The following MCPH1 variants were observed in gnomAD, a reference collection of about 807,000 sequenced individuals.
MCPH1 encodes the protein microcephalin 1.
MCPH1 carries 104 observed loss-of-function variants against 84.5 expected under a neutral mutation model. The observed-to-expected ratio is 1.23, with a 90% CI of 1.05 to 1.45. The LOEUF (loss-of-function observed/expected upper bound fraction) is 1.45. Ranked by LOEUF, MCPH1 falls within the 40% of genes most tolerant of loss-of-function variation. The probability of loss-of-function intolerance (pLI) is 0.00; values close to 1 mark genes in which losing one functional copy is unlikely to be tolerated. For synonymous variants in MCPH1, 514 were observed against 366.8 expected (o/e 1.40, Z -4.58); for missense variants, 1,498 against 1,005.7 (o/e 1.49, Z -6.62).
At position 6,431,571 on chromosome 8, in the gene MCPH1, C is replaced by G. The variant is rs778408522; in HGVS notation, c.306C>G (p.Ser102Arg). Residue 102 changes from serine (S) to arginine (R), a missense_variant, in exon 4 of 14, where the codon AGC becomes AGG. Ser to Arg is a moderately radical substitution (Grantham distance 110, BLOSUM62 -1). Transcript: ENST00000344683. ...PAANMNEHLS[S>R]LIKKKRKCMQ... ...CTAATATGAATGAACACTTATCAAG[C>G]CTAATTAAAAAAAAAGTAAGTACAT... 2.7e-5 allele frequency: 44 copies of G among 1,607,458 alleles called. No individual in the cohort carries two copies. In the South Asian group the frequency reaches 4.9e-4, roughly 18 times the overall value.
intron 12 of MCPH1, among the ~76,000 whole-genome samples, chr8:6,590,401 C>G (rs1032431197): frequency 2.0e-5 from 3 of 147,948 alleles, no homozygotes; most frequent in African/African-American, 7.5e-5. Flanking sequence ...CCATTGTAAC[C>G]AAAAACTACA....
intron 12 of MCPH1, among the ~76,000 whole-genome samples, chr8:6,611,286 A>C (rs984204211): frequency 1.4e-4 from 21 of 152,212 alleles, no homozygotes; most frequent in African/African-American, 5.1e-4. Context: ...TGAAGGACTC[A>C]GCCCCGCAAG....
chr8:6,540,595 G>A (rs1821361261), intron 12 of MCPH1, among the ~76,000 whole-genome samples: 1 of 152,160 alleles, frequency 6.6e-6, no homozygotes, highest in Non-Finnish European at 1.5e-5. Flanking sequence ...ACGTTGTCAG[G>A]CCACGTCTGC....
intron 13 of MCPH1, chr8:6,624,926 T>C: frequency 1.1e-6 from 1 of 893,000 alleles, no homozygotes; most frequent in Non-Finnish European, 1.3e-6. Flanking sequence ...CAGGCTGGAG[T>C]GTGCAGTGAT....
Position 6,637,520 on chromosome 8 carries a change from C to A in MCPH1, c.2453-5474C>A, listed in dbSNP as rs886728286. Among the ~76,000 whole-genome samples the A allele has an allele frequency of 3.3e-5, 5 of 152,156 alleles. 1 individual carries two copies. The highest frequency in any genetic ancestry group is 1.2e-4 in the African/African-American group (5 of 41,438). ...AGCTGGAGAAGCAGGCAGCTTCAGA[C>A]AGGACCATTCCAGACCACTGACACC... On this transcript the variant is annotated intron_variant, in intron 13 of 13. Transcript: ENST00000344683.
intron 12 of MCPH1, among the ~76,000 whole-genome samples, chr8:6,506,960 C>G (rs778914216): frequency 6.6e-6 from 1 of 151,530 alleles, no homozygotes; most frequent in Non-Finnish European, 1.5e-5. Context: ...TGTACTGGTG[C>G]GATCTCGGCT....
rs1385961680 is a variant in MCPH1 at position 6,444,847 on chromosome 8, G to A, written c.1125G>A (p.Arg375=). Residue 375 remains arginine, a synonymous_variant, in exon 8 of 14, where the codon AGG becomes AGA. Coordinates refer to ENST00000344683, the MANE Select transcript of MCPH1 (RefSeq NM_024596.5). The part of the protein sequence containing the change: ...SPPKEKCKRK[R]STRRSIMPRL... ...CGAAGGAAAAATGCAAGAGAAAGAG[G>A]AGCACCAGGAGATCTATCATGCCGA... 1.9e-6 allele frequency: 3 copies of A among 1,614,076 alleles called. No individual in the cohort carries two copies. The highest frequency in any genetic ancestry group is 1.7e-5 in the Admixed American group (1 of 60,014).
At chr8:6,640,327 A>G (rs1339993626) in intron 13 of MCPH1, among the ~76,000 whole-genome samples, 1 of 152,184 alleles carries the variant, frequency 6.6e-6, no homozygotes, top group Non-Finnish European at 1.5e-5. Context: ...AACGGTACAT[A>G]AAGTCCTATT....
In MCPH1 at chr8:6,598,775, C is replaced by T. The variant is rs533750975; in HGVS notation, c.2215-22679C>T. On this transcript the variant is annotated intron_variant, in intron 12 of 13. Transcript: ENST00000344683. ...GGTGGGACTAAGAAGAGCCCCCTGC[C>T]ACCCGAAAGGCGCCCTAACACTTCA... is the stretch of plus-strand genomic sequence containing the variant. Among the ~76,000 whole-genome samples, 8 of 152,342 alleles carry T rather than the reference C, an allele frequency of 5.3e-5. No individual in the cohort carries two copies. The South Asian group carries it at 1.0e-3, about 20-fold the overall frequency.
chr8:6,571,948 A>G (rs1826692822), intron 12 of MCPH1, among the ~76,000 whole-genome samples: 1 of 152,200 alleles, frequency 6.6e-6, no homozygotes. Context: ...TGATGGTTCA[A>G]GTCTTTCCTA....
chr8:6,630,780 CT>C (rs1797100099), intron 13 of MCPH1, among the ~76,000 whole-genome samples: 1 of 106,208 alleles, frequency 9.4e-6, no homozygotes, highest in Non-Finnish European at 1.8e-5. Context: ...AAACTCTGTC[CT>C]AAAAAAAAAA....
intron 3 of MCPH1, 37 bp from the exon 4 acceptor site, chr8:6,431,462 C>T: frequency 6.7e-7 from 1 of 1,493,142 alleles, no homozygotes; most frequent in Non-Finnish European, 9.3e-7. Context: ...ATAATAGAAG[C>T]AAATACTCAT....
chr8:6,494,167 G>C (rs898179795), intron 11 of MCPH1: 4 of 152,068 alleles, frequency 2.6e-5, no homozygotes, highest in African/African-American at 9.7e-5. Flanking sequence ...TCAAACTCCT[G>C]ACCTCAAGTG....
At chr8:6,558,470 C>A (rs548840978) in intron 12 of MCPH1, among the ~76,000 whole-genome samples, 2 of 152,118 alleles carry the variant, frequency 1.3e-5, no homozygotes, top group Non-Finnish European at 2.9e-5. Context: ...AAAATAAGCA[C>A]CCCAGACCAT....
At position 6,644,880 on chromosome 8, in the gene MCPH1, C is replaced by G. The variant is rs916644719; in HGVS notation, c.*1831C>G. 1 of 152,172 alleles carries G rather than the reference C, an allele frequency of 6.6e-6. No individual in the cohort carries two copies. The highest frequency in any genetic ancestry group is 1.5e-5 in the Non-Finnish European group (1 of 68,040). 9.4% of individuals were successfully genotyped at this position (152,172 alleles called of 1,614,324 possible). A position where few individuals can be genotyped will look rare whatever the true frequency, so the allele number is the denominator to read the frequency against. On this transcript the variant is annotated 3_prime_UTR_variant, in exon 14 of 14. Transcript: ENST00000344683. Reference sequence around the variant, plus strand: ...GGAATTGGCATTCTATAGAAAACCACAGAAACTGGAAATAATGAAGGGTTG... The same window carrying G: ...GGAATTGGCATTCTATAGAAAACCAGAGAAACTGGAAATAATGAAGGGTTG...
At chr8:6,421,687 G>A (rs1178713145) in intron 3 of MCPH1, among the ~76,000 whole-genome samples, 1 of 152,192 alleles carries the variant, frequency 6.6e-6, no homozygotes, top group Non-Finnish European at 1.5e-5. Context: ...TACTACAGCT[G>A]TAGATTTGGA....
intron 9 of MCPH1, among the ~76,000 whole-genome samples, chr8:6,468,537 T>G (rs920717435): frequency 1.3e-5 from 2 of 152,178 alleles, no homozygotes; most frequent in Non-Finnish European, 2.9e-5. Flanking sequence ...GCTTTAGTGT[T>G]AGATACCGAG....
At chr8:6,449,123 A>G (rs142759351) in intron 8 of MCPH1, among the ~76,000 whole-genome samples, 2 of 152,324 alleles carry the variant, frequency 1.3e-5, no homozygotes, top group East Asian at 3.9e-4. Flanking sequence ...ACTTTTGAAA[A>G]TATCTTTTCA....
At chr8:6,561,468 C>G (rs1825529457) in intron 12 of MCPH1, among the ~76,000 whole-genome samples, 1 of 152,194 alleles carries the variant, frequency 6.6e-6, no homozygotes, top group Non-Finnish European at 1.5e-5. Flanking sequence ...GATTAGGCTC[C>G]AAGATCCGTT....
Sources: gnomAD v4.1 joint callset for allele counts (sites outside exome capture counted in the v4.1 genomes callset) on GRCh38, gnomAD v4.1.1 for gene constraint, MANE v1.5 for transcripts, NCBI Gene and HGNC (gene_info 2026-07-23, HGNC 2026-07-21) for gene names.